EXOC6B: variants seen among roughly 807,000 people sequenced by gnomAD.
EXOC6B encodes the protein exocyst complex component 6B.
In EXOC6B, 54 loss-of-function variants were observed where a neutral mutation model predicts 113.5. That is an observed-to-expected ratio of 0.48 (90% CI 0.38 to 0.60). The LOEUF (loss-of-function observed/expected upper bound fraction) is 0.60, where lower values mean the gene tolerates loss of function less well. EXOC6B is among the 20% of genes least tolerant of loss of function. EXOC6B has a pLI of 0.00. For synonymous variants in EXOC6B, 357 were observed against 339.0 expected (o/e 1.05, Z -0.58); for missense variants, 797 against 977.5 (o/e 0.82, Z 2.46).
rs199752983 is a variant in EXOC6B, at chr2:72,645,767, G to T, written c.670-70099C>A. Reference sequence around the variant, plus strand: ...ATGAGAACAAAGACACAACATACCAGAATCTCTGGGACACATTTAAAGCAG... The same window carrying T: ...ATGAGAACAAAGACACAACATACCATAATCTCTGGGACACATTTAAAGCAG... On this transcript the variant is annotated intron_variant, in intron 6 of 21. Coordinates refer to ENST00000272427, the MANE Select transcript of EXOC6B (RefSeq NM_015189.3). 3.9e-5 allele frequency among the ~76,000 whole-genome samples: 6 copies of T among 152,292 alleles called. No homozygotes were observed. The East Asian group carries it at 1.2e-3, about 29-fold the overall frequency.
At chr2:72,446,790 A>G (rs1463750083) in intron 18 of EXOC6B, among the ~76,000 whole-genome samples, 3 of 152,220 alleles carry the variant, frequency 2.0e-5, no homozygotes, top group African/African-American at 7.2e-5. Flanking sequence ...TTTTTAAAAA[A>G]GAAAATCCTG....
chr2:72,176,635 G>A lies in EXOC6B; in HGVS notation c.*2700C>T, dbSNP rs1464062602. On this transcript the variant is annotated 3_prime_UTR_variant, in exon 22 of 22. Coordinates refer to ENST00000272427, the MANE Select transcript of EXOC6B (RefSeq NM_015189.3). ...CCTACCTGCAACAGCTTCATTTATAGCCTGCTCAAAGAGATTTTCCCTATG... is the reference window on the plus strand; with the variant it reads ...CCTACCTGCAACAGCTTCATTTATAACCTGCTCAAAGAGATTTTCCCTATG... The A allele has an allele frequency of 5.9e-5, 9 of 152,140 alleles. No individual in the cohort carries two copies. The highest frequency in any genetic ancestry group is 1.3e-4 in the Non-Finnish European group (9 of 68,038). 9.4% of individuals were successfully genotyped at this position (152,140 alleles called of 1,614,324 possible).
At chr2:72,443,419 T>C (rs1354463373) in intron 18 of EXOC6B, among the ~76,000 whole-genome samples, 1 of 151,932 alleles carries the variant, frequency 6.6e-6, no homozygotes, top group Non-Finnish European at 1.5e-5. Flanking sequence ...CCATCTGATC[T>C]TTGACAAAGC....
chr2:72,368,054 G>A (rs1428489997), intron 19 of EXOC6B, among the ~76,000 whole-genome samples: 2 of 152,258 alleles, frequency 1.3e-5, no homozygotes, highest in East Asian at 1.9e-4. Flanking sequence ...GACTTGGACA[G>A]TAACCCAGCC....
At chr2:72,816,617 A>G (rs1466164621) in intron 1 of EXOC6B, among the ~76,000 whole-genome samples, 1 of 152,222 alleles carries the variant, frequency 6.6e-6, no homozygotes, top group Non-Finnish European at 1.5e-5. Flanking sequence ...TCAAACCCAC[A>G]CAAGATAATT....
intron 20 of EXOC6B, among the ~76,000 whole-genome samples, chr2:72,212,305 G>T (rs990497484): frequency 1.3e-5 from 2 of 152,102 alleles, no homozygotes; most frequent in African/African-American, 4.8e-5. Flanking sequence ...TAGTTTCTTG[G>T]GGCAGGGCAG....
At position 72,605,388 on chromosome 2, in the gene EXOC6B, G is replaced by T. The variant is rs576404376; in HGVS notation, c.670-29720C>A. ...GTATGTCACTTAAACAGTTTACCATGGGGAGGGCTTCACAACCCCAAGTCC... is the reference window on the plus strand; with the variant it reads ...GTATGTCACTTAAACAGTTTACCATTGGGAGGGCTTCACAACCCCAAGTCC... On this transcript the variant is annotated intron_variant, in intron 6 of 21. Transcript: ENST00000272427. Among the ~76,000 whole-genome samples the T allele has an allele frequency of 1.8e-4, 28 of 151,988 alleles. No individual in the cohort carries two copies. The South Asian group carries it at 5.6e-3, about 30-fold the overall frequency.
chr2:72,376,411 T>G (rs566500079), intron 19 of EXOC6B, among the ~76,000 whole-genome samples: 1 of 152,336 alleles, frequency 6.6e-6, no homozygotes, highest in African/African-American at 2.4e-5. Flanking sequence ...TTTGCTCTGT[T>G]TCTGATAAGT....
chr2:72,523,447 C>G (rs1401415922), intron 8 of EXOC6B, among the ~76,000 whole-genome samples: 1 of 152,144 alleles, frequency 6.6e-6, no homozygotes, highest in South Asian at 2.1e-4. Flanking sequence ...AATATATCTA[C>G]ACAGCAGGCA....
intron 18 of EXOC6B, among the ~76,000 whole-genome samples, chr2:72,408,164 T>C (rs1035190997): frequency 6.6e-6 from 1 of 152,084 alleles, no homozygotes. Flanking sequence ...ACAAGGGACG[T>C]GAAGGACCTC....
chr2:72,411,371 G>C (rs899733350), intron 18 of EXOC6B, among the ~76,000 whole-genome samples: 2 of 152,276 alleles, frequency 1.3e-5, no homozygotes, highest in Non-Finnish European at 2.9e-5. Flanking sequence ...GAGATCTCAG[G>C]AGGACATAAG....
intron 6 of EXOC6B, among the ~76,000 whole-genome samples, chr2:72,683,218 T>G: frequency 6.6e-6 from 1 of 152,216 alleles, no homozygotes; most frequent in East Asian, 1.9e-4. Flanking sequence ...GGCAGAGCTA[T>G]GTGTTTTTCA....
At chr2:72,453,498 G>A (rs1343321520) in intron 18 of EXOC6B, among the ~76,000 whole-genome samples, 1 of 151,864 alleles carries the variant, frequency 6.6e-6, no homozygotes, top group Non-Finnish European at 1.5e-5. Flanking sequence ...TTCTCACTAT[G>A]AACATGTTTT....
chr2:72,596,428 C>T (rs987047686), intron 6 of EXOC6B, among the ~76,000 whole-genome samples: 107 of 152,144 alleles, frequency 7.0e-4, no homozygotes, highest in African/African-American at 2.6e-3. Flanking sequence ...CTTAGGGGGG[C>T]TCCTGAGTTT....
At chr2:72,576,062 T>C (rs1379986190) in intron 6 of EXOC6B, among the ~76,000 whole-genome samples, 2 of 152,114 alleles carry the variant, frequency 1.3e-5, no homozygotes, top group East Asian at 3.9e-4. Context: ...ATTTATCTCT[T>C]ACAAGAAAAT....
At chr2:72,644,436 A>G (rs1673525248) in intron 6 of EXOC6B, among the ~76,000 whole-genome samples, 1 of 152,190 alleles carries the variant, frequency 6.6e-6, no homozygotes, top group Non-Finnish European at 1.5e-5. Flanking sequence ...AAATACAGAG[A>G]ACACCACAAA....
chr2:72,334,039 A>G (rs1442280884), intron 20 of EXOC6B, among the ~76,000 whole-genome samples: 1 of 152,056 alleles, frequency 6.6e-6, no homozygotes, highest in Non-Finnish European at 1.5e-5. Context: ...TCATTATGGC[A>G]GGAGAAACAA....
chr2:72,523,603 C>T (rs1412564090), intron 8 of EXOC6B, among the ~76,000 whole-genome samples: 1 of 151,806 alleles, frequency 6.6e-6, no homozygotes, highest in Non-Finnish European at 1.5e-5. Flanking sequence ...ACGGTGAAAC[C>T]CCGTCTGTAC....
intron 1 of EXOC6B, among the ~76,000 whole-genome samples, chr2:72,795,858 G>A (rs573818364): frequency 1.3e-5 from 2 of 151,866 alleles, no homozygotes; most frequent in South Asian, 2.1e-4. Flanking sequence ...ACCAAGTCTC[G>A]CTCTGTCACC....
Sources: allele counts gnomAD v4.1 joint callset (sites outside exome capture counted in the v4.1 genomes callset), GRCh38; gene constraint gnomAD v4.1.1; transcripts MANE v1.5; gene names NCBI Gene and HGNC (gene_info 2026-07-23, HGNC 2026-07-21).